Variants in LOXHD1 observed in about 807,000 individuals in gnomAD.
LOXHD1 encodes lipoxygenase homology domain-containing protein 1.
LOXHD1 carries 205 observed loss-of-function variants against 248.2 expected under a neutral mutation model. The ratio of observed to expected loss-of-function variants is 0.83; its 90% confidence interval spans 0.74 to 0.93. The LOEUF (loss-of-function observed/expected upper bound fraction) is 0.93, where lower values mean the gene tolerates loss of function less well. LOXHD1 is among the 40% of genes least tolerant of loss of function. The probability of loss-of-function intolerance (pLI) is 0.00; values close to 1 mark genes in which losing one functional copy is unlikely to be tolerated. For synonymous variants in LOXHD1, 1,113 were observed against 1,162.8 expected (o/e 0.96, Z 0.87); for missense variants, 2,930 against 2,971.6 (o/e 0.99, Z 0.33).
At chr18:46,613,097 T>A (rs765145606) in intron 5 of LOXHD1, among the ~76,000 whole-genome samples, 1 of 152,142 alleles carries the variant, frequency 6.6e-6, no homozygotes, top group South Asian at 2.1e-4. Flanking sequence ...GGCTTAGCCC[T>A]ACATGAATAT....
intron 20 of LOXHD1, among the ~76,000 whole-genome samples, chr18:46,558,703 A>G (rs936997962): frequency 2.6e-5 from 4 of 152,176 alleles, no homozygotes; most frequent in Admixed American, 2.6e-4. Flanking sequence ...GAGATAAGAG[A>G]TAGTTTTCTA....
Position 46,545,314 on chromosome 18 carries a change from T to A in LOXHD1, c.3619+3A>T. 1.9e-6 allele frequency: 3 copies of A among 1,548,808 alleles called. No homozygotes were observed. The highest frequency in any genetic ancestry group is 2.6e-6 in the Non-Finnish European group (3 of 1,144,222). On this transcript the variant is annotated splice_donor_region_variant and intron_variant, in intron 23 of 40. Transcript: ENST00000642948. ...GAATCTTGGCCCTGCACTGCTTTCT[T>A]ACCAGTGTCATCCTGTGTGCCAAAG... is the stretch of plus-strand genomic sequence containing the variant.
chr18:46,509,721 G>C lies in LOXHD1; in HGVS notation c.5494C>G (p.Arg1832Gly). The C allele has an allele frequency of 1.3e-6, 2 of 1,551,538 alleles. No individual in the cohort carries two copies. The highest frequency in any genetic ancestry group is 1.7e-6 in the Non-Finnish European group (2 of 1,146,880). ...ACCCTCTCCAGGAACCACTCCGGCC[G>C]ACTGCCCAGGCCATCAATCCGGATC... ...MRIRIDGLGS[R>G]PEWFLERILL... is the part of the protein sequence containing the mutation. The change falls in exon 35 of 41, where the codon CGG becomes GGG. Residue 1832 changes from arginine to glycine, a missense_variant. Arg to Gly is a moderately radical substitution (Grantham distance 125). Coordinates refer to ENST00000642948, the MANE Select transcript of LOXHD1 (RefSeq NM_001384474.1).
chr18:46,560,052 T>TAGCCCCCC, intron 19 of LOXHD1, 31 bp downstream of exon 19: 1 of 441,130 alleles, frequency 2.3e-6, no homozygotes, highest in Non-Finnish European at 3.6e-6. Context: ...GGCCACTCCC[T>TAGCCCCCC]CCCCACCCCC....
In LOXHD1 at chr18:46,490,311, G is replaced by A. The variant is rs369681359; in HGVS notation, c.5879-1169C>T. 3.9e-5 allele frequency among the ~76,000 whole-genome samples: 6 copies of A among 152,354 alleles called. No individual in the cohort carries two copies. The East Asian group carries it at 5.8e-4, about 15-fold the overall frequency. On this transcript the variant is annotated intron_variant, in intron 37 of 40. Coordinates refer to ENST00000642948, the MANE Select transcript of LOXHD1 (RefSeq NM_001384474.1). The stretch of plus-strand genomic sequence containing the variant: ...CCAGATCGCAGGGGACACATGTTAA[G>A]GCTCAGCAGGGAATACACATTGGCG...
chr18:46,643,147 C>A (rs570142463), intron 2 of LOXHD1, among the ~76,000 whole-genome samples: 1 of 152,246 alleles, frequency 6.6e-6, no homozygotes, highest in African/African-American at 2.4e-5. Context: ...AAACAATCTG[C>A]CCTAGGAAGA....
At chr18:46,592,118 C>G (rs766286160) in intron 11 of LOXHD1, 50 bp from the exon 12 acceptor site, 109 of 1,550,570 alleles carry the variant, frequency 7.0e-5, no homozygotes, top group Non-Finnish European at 4.9e-5. Context: ...GGATGTTCAC[C>G]GATGCCCTGC....
intron 37 of LOXHD1, among the ~76,000 whole-genome samples, chr18:46,499,141 G>T (rs771660352): frequency 1.3e-5 from 2 of 152,210 alleles, no homozygotes; most frequent in Admixed American, 6.5e-5. Context: ...TCAAAAGTCT[G>T]CCAATTATGA....
chr18:46,579,730 T>C lies in LOXHD1; in HGVS notation c.1709A>G (p.Asp570Gly). ...AAAAAGGCAGAGATAGACGTTGGCA[T>C]CGGTCCCAGCACCTTCAAGTTCACC... Reference protein sequence around the residue: ...CTGELEGAGTDANVYLCLFGD... With the variant: ...CTGELEGAGTGANVYLCLFGD... The change falls in exon 13 of 41, where the codon GAT becomes GGT. Residue 570 changes from aspartate to glycine, a missense_variant. Coordinates refer to ENST00000642948, the MANE Select transcript of LOXHD1 (RefSeq NM_001384474.1). 1 of 1,551,818 alleles carries C rather than the reference T, an allele frequency of 6.4e-7. No individual in the cohort carries two copies. Among genetic ancestry groups the C allele is most frequent in the South Asian group, 1.2e-5 (1 of 84,060 alleles).
chr18:46,603,716 T>G (rs868115571), intron 7 of LOXHD1, among the ~76,000 whole-genome samples: 1 of 152,174 alleles, frequency 6.6e-6, no homozygotes. Flanking sequence ...ATAGGGTGGT[T>G]GTGAGGACTG....
rs200260213 is a variant in LOXHD1, at chr18:46,559,498, C to T, written c.3166G>A (p.Glu1056Lys). Reference protein sequence around the residue: ...IYGEEYGDTGERPLKKSDKSN... With the variant: ...IYGEEYGDTGKRPLKKSDKSN... The stretch of plus-strand genomic sequence containing the variant: ...TTGTCTGACTTCTTCAGGGGTCGTT[C>T]GCCCGTGTCTCCATACTCCTCGCCG... The change falls in exon 20 of 41, where the codon GAA (glutamate) becomes AAA (lysine). Residue 1056 changes from glutamate to lysine, a missense_variant. Glu to Lys is a moderately conservative substitution (Grantham distance 56). Transcript: ENST00000642948. The T allele has an allele frequency of 8.2e-5, 128 of 1,551,880 alleles. No homozygotes were observed. Among genetic ancestry groups the T allele is most frequent in the Middle Eastern group, 1.7e-4 (1 of 6,014 alleles).
chr18:46,509,721 G>A lies in LOXHD1; in HGVS notation c.5494C>T (p.Arg1832Trp), dbSNP rs1370346195. 13 of 1,551,420 alleles carry A rather than the reference G, an allele frequency of 8.4e-6. No homozygotes were observed. The highest frequency in any genetic ancestry group is 2.4e-5 in the South Asian group (2 of 84,056). ...ACCCTCTCCAGGAACCACTCCGGCCGACTGCCCAGGCCATCAATCCGGATC... is the reference window on the plus strand; with the variant it reads ...ACCCTCTCCAGGAACCACTCCGGCCAACTGCCCAGGCCATCAATCCGGATC... ...MRIRIDGLGS[R>W]PEWFLERILL... is the part of the protein sequence containing the mutation. Residue 1832 changes from arginine (R) to tryptophan (W), a missense_variant, in exon 35 of 41, where the codon CGG becomes TGG. By Grantham distance (101) the Arg-to-Trp change is moderately radical (BLOSUM62 -3). Coordinates refer to ENST00000642948, the MANE Select transcript of LOXHD1 (RefSeq NM_001384474.1).
chr18:46,568,858 T>A (rs765516500), intron 16 of LOXHD1, among the ~76,000 whole-genome samples: 7 of 152,218 alleles, frequency 4.6e-5, no homozygotes, highest in African/African-American at 7.2e-5. Flanking sequence ...TTTGCTGCTT[T>A]ACTGTTCAGC....
chr18:46,548,277 A>T (rs1359617906), intron 21 of LOXHD1, among the ~76,000 whole-genome samples: 2 of 146,742 alleles, frequency 1.4e-5, no homozygotes, highest in African/African-American at 5.1e-5. Context: ...CCTGATGCAC[A>T]AGGGCCACTC....
In LOXHD1 at chr18:46,545,323, C is replaced by T; in HGVS notation, c.3613G>A (p.Asp1205Asn). 9.0e-6 allele frequency: 14 copies of T among 1,551,124 alleles called. No individual in the cohort carries two copies. The highest frequency in any genetic ancestry group is 1.1e-5 in the Non-Finnish European group (13 of 1,146,392). The stretch of plus-strand genomic sequence containing the variant: ...CCCTGCACTGCTTTCTTACCAGTGT[C>T]ATCCTGTGTGCCAAAGAGTGTGATG... ...VFITLFGTQD[D>N]TGMTLLKSSK... The change falls in exon 23 of 41, where the codon GAC becomes AAC. Residue 1205 changes from aspartate to asparagine, a missense_variant. Asp to Asn is a conservative substitution (Grantham distance 23, BLOSUM62 1). Coordinates refer to ENST00000642948, the MANE Select transcript of LOXHD1 (RefSeq NM_001384474.1).
At chr18:46,523,784 G>A (rs1356219619) in intron 31 of LOXHD1, among the ~76,000 whole-genome samples, 3 of 151,892 alleles carry the variant, frequency 2.0e-5, no homozygotes, top group Admixed American at 1.3e-4. Flanking sequence ...TTTCTTGGTG[G>A]TCCTATCACT....
chr18:46,542,926 T>C, intron 23 of LOXHD1, 71 bp from the exon 24 acceptor site: 1 of 1,535,328 alleles, frequency 6.5e-7, no homozygotes, highest in Non-Finnish European at 8.8e-7. Flanking sequence ...ACCCAAACCT[T>C]TAATCCCTTT....
In LOXHD1 at chr18:46,574,960, C is replaced by T. The variant is rs114491691; in HGVS notation, c.1970+2747G>A. On this transcript the variant is annotated intron_variant, in intron 14 of 40. Transcript: ENST00000642948. ...TTTCCAGGCTCCTTCTCCTGGCCTG[C>T]CCCAGGGCTCGGCCCTCACTGTTTT... Among the ~76,000 whole-genome samples the T allele has an allele frequency of 2.4e-3, 366 of 152,364 alleles. 2 individuals carry two copies. The highest frequency in any genetic ancestry group is 7.9e-3 in the African/African-American group (329 of 41,582).
chr18:46,621,689 G>A lies in LOXHD1; in HGVS notation c.512-3399C>T, dbSNP rs547829612. On this transcript the variant is annotated intron_variant, in intron 4 of 40. Transcript: ENST00000642948. Reference sequence around the variant, plus strand: ...AAACGCCCACATATGAGATAGGGCTGCTGCCCTGGCAACTGGGCACTGACC... The same window carrying A: ...AAACGCCCACATATGAGATAGGGCTACTGCCCTGGCAACTGGGCACTGACC... Among the ~76,000 whole-genome samples, 13 of 152,210 alleles carry A rather than the reference G, an allele frequency of 8.5e-5. No homozygotes were observed. In the South Asian group the frequency reaches 1.9e-3, roughly 22 times the overall value.
Sources: allele counts gnomAD v4.1 joint callset (sites outside exome capture counted in the v4.1 genomes callset), GRCh38; gene constraint gnomAD v4.1.1; transcripts MANE v1.5; gene names NCBI Gene and HGNC (gene_info 2026-07-23, HGNC 2026-07-21).